Variants in HLA-DRB5 observed in about 807,000 individuals in gnomAD.
The protein encoded by HLA-DRB5 is major histocompatibility complex, class II, DR beta 5.
In HLA-DRB5, 11 loss-of-function variants were observed where a neutral mutation model predicts 22.4. That is an observed-to-expected ratio of 0.49 (90% confidence interval 0.31 to 0.81). HLA-DRB5 has a LOEUF of 0.81. Ranked by LOEUF, HLA-DRB5 falls within the 40% of genes least tolerant of loss-of-function variation. The pLI is 0.05. For missense variants in HLA-DRB5, 106 were observed against 274.4 expected (o/e 0.39, Z 4.34); for synonymous variants, 57 against 106.0 (o/e 0.54, Z 2.84).
At chr6:32,529,523 C>A (rs374670872) in intron 1 of HLA-DRB5, among the ~76,000 whole-genome samples, 195 of 67,788 alleles carry the variant, frequency 2.9e-3, no homozygotes, top group Middle Eastern at 0.01. Flanking sequence ...TCAGCTTCAG[C>A]TCCAAGGATT....
rs1769175048 is a variant in HLA-DRB5, at chr6:32,523,214, G to A, written c.101-1040C>T. ...TAAATCCACAAAGCTCAGATATTCA[G>A]TTAAAAGAAATTTGTTCATAAAACT... On this transcript the variant is annotated intron_variant, in intron 1 of 5. Coordinates refer to ENST00000374975, the MANE Select transcript of HLA-DRB5 (RefSeq NM_002125.4). 4.6e-5 allele frequency among the ~76,000 whole-genome samples: 2 copies of A among 43,918 alleles called. 1 individual carries two copies. The highest frequency in any genetic ancestry group is 9.3e-5 in the Non-Finnish European group (2 of 21,584). The allele number at this position is 43,918 out of a possible 152,430, so 28.8% of individuals were successfully genotyped here.
chr6:32,524,783 C>T (rs115356493), intron 1 of HLA-DRB5, among the ~76,000 whole-genome samples: 21,297 of 59,608 alleles, frequency 0.36, 5,513 homozygotes, highest in Middle Eastern at 0.38. Flanking sequence ...GTAATCCATG[C>T]TCATGTGTCC....
chr6:32,520,577 G>T (rs1222051382), intron 2 of HLA-DRB5, among the ~76,000 whole-genome samples: 1 of 47,924 alleles, frequency 2.1e-5, no homozygotes, highest in South Asian at 5.1e-4. Flanking sequence ...TTTCTTTCCA[G>T]AATGACATTT....
chr6:32,529,540 C>T lies in HLA-DRB5; in HGVS notation c.100+585G>A, dbSNP rs1470502513. On this transcript the variant is annotated intron_variant, in intron 1 of 5. Coordinates refer to ENST00000374975, the MANE Select transcript of HLA-DRB5 (RefSeq NM_002125.4). ...AGCTTCAGCTCCAAGGATTTTTCCC[C>T]ATAAGAAAAAGCACTAAGCATAACT... Among the ~76,000 whole-genome samples, 2 of 41,754 alleles carry T rather than the reference C, an allele frequency of 4.8e-5. 1 individual carries two copies. The highest frequency in any genetic ancestry group is 9.7e-5 in the Non-Finnish European group (2 of 20,524). The allele number at this position is 41,754 out of a possible 152,430, so 27.4% of individuals were successfully genotyped here. A position where few individuals can be genotyped will look rare whatever the true frequency, so the allele number is the denominator to read the frequency against.
rs1769945458 is a variant in HLA-DRB5 at position 32,528,777 on chromosome 6, C to T, written c.100+1348G>A. Among the ~76,000 whole-genome samples, 2 of 39,050 alleles carry T rather than the reference C, an allele frequency of 5.1e-5. 1 individual carries two copies. Among genetic ancestry groups the T allele is most frequent in the African/African-American group, 1.9e-4 (2 of 10,364 alleles). 25.6% of individuals were successfully genotyped at this position (39,050 alleles called of 152,430 possible). ...TCCAGGAGTTTAAGACCACCCTGGGCAACATGGCAGAAATCTCATCTCCAA... is the reference window on the plus strand; with the variant it reads ...TCCAGGAGTTTAAGACCACCCTGGGTAACATGGCAGAAATCTCATCTCCAA... On this transcript the variant is annotated intron_variant, in intron 1 of 5. Transcript: ENST00000374975.
chr6:32,523,969 A>T (rs796651606), intron 1 of HLA-DRB5, among the ~76,000 whole-genome samples: 1 of 88,856 alleles, frequency 1.1e-5, no homozygotes, highest in East Asian at 3.4e-4. Flanking sequence ...ATTAAATATC[A>T]GAAGAAACCC....
rs1411820628 is a variant in HLA-DRB5 at position 32,522,353 on chromosome 6, G to A, written c.101-179C>T. Reference sequence around the variant, plus strand: ...TCCTCCGTCTTCCTGAGGCGAACGGGGTGTCTGGGGGACCAGGCAGGAAAA... The same window carrying A: ...TCCTCCGTCTTCCTGAGGCGAACGGAGTGTCTGGGGGACCAGGCAGGAAAA... On this transcript the variant is annotated intron_variant, in intron 1 of 5. Transcript: ENST00000374975. Among the ~76,000 whole-genome samples, 13 of 44,994 alleles carry A rather than the reference G, an allele frequency of 2.9e-4. 6 individuals carry two copies. Among genetic ancestry groups the A allele is most frequent in the Non-Finnish European group, 6.4e-4 (13 of 20,306 alleles). The allele number at this position is 44,994 out of a possible 152,430, so 29.5% of individuals were successfully genotyped here.
rs1769437465 is a variant in HLA-DRB5, at chr6:32,525,047, T to A, written c.101-2873A>T. 3.7e-5 allele frequency among the ~76,000 whole-genome samples: 2 copies of A among 53,376 alleles called. 1 individual carries two copies. 35.0% of individuals were successfully genotyped at this position (53,376 alleles called of 152,430 possible). On this transcript the variant is annotated intron_variant, in intron 1 of 5. Transcript: ENST00000374975. The stretch of plus-strand genomic sequence containing the variant: ...GATAAATGCAAAATGAATGAAAGTT[T>A]CTTTTATACATTGGAACTAGAAGCC...
rs1358547795 is a variant in HLA-DRB5 at position 32,521,309 on chromosome 6, G to A, written c.370+596C>T. Among the ~76,000 whole-genome samples the A allele has an allele frequency of 3.1e-5, 4 of 127,598 alleles. No homozygotes were observed. The East Asian group carries it at 8.7e-4, about 28-fold the overall frequency. The allele number at this position is 127,598 out of a possible 152,430, so 83.7% of individuals were successfully genotyped here. A position where few individuals can be genotyped will look rare whatever the true frequency, so the allele number is the denominator to read the frequency against. On this transcript the variant is annotated intron_variant, in intron 2 of 5. Coordinates refer to ENST00000374975, the MANE Select transcript of HLA-DRB5 (RefSeq NM_002125.4). ...ACTAAGAAAACAAACAGAAAAAATA[G>A]CAAGAAATTTAGACCTAAAGAAGCT...
intron 1 of HLA-DRB5, among the ~76,000 whole-genome samples, chr6:32,528,023 T>TA (rs754168101): frequency 3.6e-4 from 7 of 19,354 alleles, no homozygotes; most frequent in East Asian, 1.2e-3. Flanking sequence ...CCTTGCTTGC[T>TA]CACTTCAGTC....
In HLA-DRB5 at chr6:32,520,077, G is replaced by A. The variant is rs1581580903; in HGVS notation, c.371-426C>T. Among the ~76,000 whole-genome samples, 2 of 40,990 alleles carry A rather than the reference G, an allele frequency of 4.9e-5. 1 individual carries two copies. Among genetic ancestry groups the A allele is most frequent in the African/African-American group, 1.8e-4 (2 of 10,958 alleles). The allele number at this position is 40,990 out of a possible 152,430, so 26.9% of individuals were successfully genotyped here. On this transcript the variant is annotated intron_variant, in intron 2 of 5. Coordinates refer to ENST00000374975, the MANE Select transcript of HLA-DRB5 (RefSeq NM_002125.4). ...GGATAATTATAGTAATTTACCTCTT[G>A]GGGTTATATGAGGATTAATGCACAT...
At chr6:32,529,208 T>C (rs1770019329) in intron 1 of HLA-DRB5, among the ~76,000 whole-genome samples, 1 of 131,010 alleles carries the variant, frequency 7.6e-6, no homozygotes. Context: ...AATGTCCACA[T>C]TCTCTCTGTA....
At chr6:32,523,699 A>G (rs116065885) in intron 1 of HLA-DRB5, among the ~76,000 whole-genome samples, 14,663 of 110,700 alleles carry the variant, frequency 0.13, 21 homozygotes, top group Non-Finnish European at 0.14. Flanking sequence ...CATTGACTAA[A>G]TGGATTCAAC....
intron 1 of HLA-DRB5, among the ~76,000 whole-genome samples, chr6:32,522,897 T>C (rs191491400): frequency 0.025 from 931 of 37,048 alleles, 67 homozygotes; most frequent in Middle Eastern, 0.038. Flanking sequence ...TCTGTGTCTG[T>C]TTGGGCAAAA....
intron 1 of HLA-DRB5, among the ~76,000 whole-genome samples, chr6:32,528,271 G>A (rs200330306): frequency 0.28 from 31,915 of 112,838 alleles, 942 homozygotes; most frequent in Admixed American, 0.33. Flanking sequence ...ATGACTCTCT[G>A]AAATTTTCTT....
chr6:32,523,148 C>T (rs116670844), intron 1 of HLA-DRB5, among the ~76,000 whole-genome samples: 1,556 of 33,716 alleles, frequency 0.046, 25 homozygotes, highest in Admixed American at 0.052. Context: ...GAGAATAAAA[C>T]CATGATCCCA....
chr6:32,517,756 CAG>C lies in HLA-DRB5; in HGVS notation c.788-6_788-5del, dbSNP rs1388153685. On this transcript the variant is annotated splice_region_variant and splice_polypyrimidine_tract_variant and intron_variant, in intron 5 of 5. Coordinates refer to ENST00000374975, the MANE Select transcript of HLA-DRB5 (RefSeq NM_002125.4). ...TCTGCACTTCAGCTCACGAGTCCTG[CAG>C]AGAGAGAGGAAAGTGTTGTTTTCAG... 2 of 445,874 alleles carry C rather than the reference CAG, an allele frequency of 4.5e-6. No homozygotes were observed. The highest frequency in any genetic ancestry group is 6.1e-6 in the Non-Finnish European group (2 of 330,194). 27.6% of individuals were successfully genotyped at this position (445,874 alleles called of 1,614,324 possible). A position where few individuals can be genotyped will look rare whatever the true frequency, so the allele number is the denominator to read the frequency against.
rs373241449 is a variant in HLA-DRB5, at chr6:32,523,587, C to T, written c.101-1413G>A. ...CATCACTATTTGTGACTTATAAGGG[C>T]AAGTTGTTGAAAGTTAATAGAGGTA... On this transcript the variant is annotated intron_variant, in intron 1 of 5. Coordinates refer to ENST00000374975, the MANE Select transcript of HLA-DRB5 (RefSeq NM_002125.4). Among the ~76,000 whole-genome samples, 63 of 79,588 alleles carry T rather than the reference C, an allele frequency of 7.9e-4. 17 individuals carry two copies. The South Asian group carries it at 0.018, about 23-fold the overall frequency. 52.2% of individuals were successfully genotyped at this position (79,588 alleles called of 152,430 possible).
intron 1 of HLA-DRB5, among the ~76,000 whole-genome samples, chr6:32,523,064 GA>G (rs375307371): frequency 0.062 from 5,052 of 81,086 alleles, 88 homozygotes; most frequent in East Asian, 0.12. Flanking sequence ...GCCAGGTATT[GA>G]AAAGCGTTGT....
Sources: allele counts gnomAD v4.1 joint callset (sites outside exome capture counted in the v4.1 genomes callset), GRCh38; gene constraint gnomAD v4.1.1; transcripts MANE v1.5; gene names NCBI Gene and HGNC (gene_info 2026-07-23, HGNC 2026-07-21).